PPP2R5E: variants seen among roughly 807,000 people sequenced by gnomAD.
PPP2R5E encodes serine/threonine-protein phosphatase 2A 56 kDa regulatory subunit epsilon isoform.
In PPP2R5E, 4 loss-of-function variants were observed where a neutral mutation model predicts 65.3. The observed-to-expected ratio is 0.06, with a 90% CI of 0.03 to 0.14. The LOEUF is 0.14. PPP2R5E is among the 10% of genes least tolerant of loss of function. The probability of loss-of-function intolerance (pLI) is 1.00; values close to 1 mark genes in which losing one functional copy is unlikely to be tolerated. For missense variants in PPP2R5E, 274 were observed against 556.1 expected, an observed-to-expected ratio of 0.49 and a Z score of 5.10; for synonymous variants, 183 against 187.4, an observed-to-expected ratio of 0.98 and a Z score of 0.19.
chr14:63,399,035 G>T (rs541365454), intron 5 of PPP2R5E, among the ~76,000 whole-genome samples: 1 of 152,122 alleles, frequency 6.6e-6, no homozygotes, highest in Non-Finnish European at 1.5e-5. Context: ...CAGCAGAACC[G>T]AAAACACATG....
At chr14:63,386,691 G>C (rs917976142) in intron 11 of PPP2R5E, among the ~76,000 whole-genome samples, 3 of 152,154 alleles carry the variant, frequency 2.0e-5, no homozygotes, top group Non-Finnish European at 4.4e-5. Flanking sequence ...GGGAGGCCAA[G>C]GTGGGTGGAT....
At chr14:63,457,326 T>G (rs73274633) in intron 2 of PPP2R5E, among the ~76,000 whole-genome samples, 5,912 of 152,190 alleles carry the variant, frequency 0.039, 368 homozygotes, top group African/African-American at 0.13. Context: ...TCTTTTTAAA[T>G]AAACATTTAT....
At chr14:63,400,127 A>G (rs1460409932) in intron 5 of PPP2R5E, among the ~76,000 whole-genome samples, 1 of 152,194 alleles carries the variant, frequency 6.6e-6, no homozygotes, top group Admixed American at 6.5e-5. Flanking sequence ...TCATCTGTTC[A>G]TTTTAAAAAT....
Position 63,539,651 on chromosome 14 carries a change from T to G in PPP2R5E, c.35A>C (p.Asp12Ala), listed in dbSNP as rs1893808597. The G allele has an allele frequency of 6.2e-7, 1 of 1,613,868 alleles. No individual in the cohort carries two copies. Among genetic ancestry groups the G allele is most frequent in the Admixed American group, 1.7e-5 (1 of 60,000 alleles). The change falls in exon 2 of 14, where the codon GAT becomes GCT. Residue 12 changes from aspartate (D) to alanine (A), a missense_variant. By Grantham distance (126) the Asp-to-Ala change is moderately radical. Coordinates refer to ENST00000337537, the MANE Select transcript of PPP2R5E (RefSeq NM_006246.5). ...SSAPTTPPSV[D>A]KVDGFSRKSV... ...CTTCCGAGAAAATCCGTCTACTTTA[T>G]CCACTGATGGAGGAGTAGTTGGTGC...
chr14:63,522,731 G>A (rs1892986949), intron 2 of PPP2R5E, among the ~76,000 whole-genome samples: 1 of 151,276 alleles, frequency 6.6e-6, no homozygotes, highest in Non-Finnish European at 1.5e-5. Context: ...TGAGAAGTGA[G>A]GAGCCCCTCC....
intron 7 of PPP2R5E, 56 bp downstream of exon 7, chr14:63,395,170 C>T: frequency 4.1e-6 from 6 of 1,470,928 alleles, no homozygotes; most frequent in Admixed American, 1.7e-5. Context: ...GCCACCTGAA[C>T]CTAATTTTTA....
Position 63,376,042 on chromosome 14 carries a change from T to C in PPP2R5E, c.1371A>G (p.Arg457=). Residue 457 remains arginine, a synonymous_variant, in exon 14 of 14, where the codon AGA becomes AGG. Coordinates refer to ENST00000337537, the MANE Select transcript of PPP2R5E (RefSeq NM_006246.5). The part of the protein sequence containing the change: ...WKKLEDLELK[R]GLRRDGIIPT ...GAATTATTCCATCACGTCTAAGACC[T>C]CTCTTTAACTCCAGATCCTCCAATT... The C allele has an allele frequency of 2.5e-6, 4 of 1,607,334 alleles. No homozygotes were observed. Among genetic ancestry groups the C allele is most frequent in the Non-Finnish European group, 2.6e-6 (3 of 1,173,996 alleles).
chr14:63,457,346 C>A (rs932347168), intron 2 of PPP2R5E, among the ~76,000 whole-genome samples: 1 of 152,012 alleles, frequency 6.6e-6, no homozygotes, highest in African/African-American at 2.4e-5. Context: ...TTAAAAGGAT[C>A]ACTTAAGAAG....
rs1216708159 is a variant in PPP2R5E at position 63,374,353 on chromosome 14, T to A, written c.*1656A>T. 6.6e-6 allele frequency: 1 copy of A among 151,870 alleles called. No individual in the cohort carries two copies. Among genetic ancestry groups the A allele is most frequent in the Non-Finnish European group, 1.5e-5 (1 of 67,954 alleles). The allele number at this position is 151,870 out of a possible 1,614,324, so 9.4% of individuals were successfully genotyped here. A position where few individuals can be genotyped will look rare whatever the true frequency, so the allele number is the denominator to read the frequency against. On this transcript the variant is annotated 3_prime_UTR_variant, in exon 14 of 14. Coordinates refer to ENST00000337537, the MANE Select transcript of PPP2R5E (RefSeq NM_006246.5). ...TATTTCTATTAAGAGCAACAATAGTTCATATGTTCATGTTTGCTACTATCA... is the reference window on the plus strand; with the variant it reads ...TATTTCTATTAAGAGCAACAATAGTACATATGTTCATGTTTGCTACTATCA...
intron 3 of PPP2R5E, among the ~76,000 whole-genome samples, chr14:63,432,914 A>C (rs1380679958): frequency 6.6e-6 from 1 of 152,074 alleles, no homozygotes; most frequent in Non-Finnish European, 1.5e-5. Flanking sequence ...AAAGTTCTAA[A>C]TTAGACCAAA....
intron 2 of PPP2R5E, among the ~76,000 whole-genome samples, chr14:63,535,151 G>A (rs146790264): frequency 8.5e-5 from 13 of 152,220 alleles, no homozygotes; most frequent in East Asian, 1.9e-4. Context: ...TAGGCTGGGC[G>A]CAGTGACTGA....
At chr14:63,493,740 TA>T (rs993606715) in intron 2 of PPP2R5E, among the ~76,000 whole-genome samples, 5 of 152,110 alleles carry the variant, frequency 3.3e-5, no homozygotes, top group African/African-American at 1.2e-4. Context: ...CTAGGAATAT[TA>T]AACAGGTGAG....
chr14:63,474,449 A>G (rs1293488684), intron 2 of PPP2R5E, among the ~76,000 whole-genome samples: 2 of 152,132 alleles, frequency 1.3e-5, no homozygotes, highest in African/African-American at 4.8e-5. Context: ...TTTATAAGAC[A>G]TATACATGGA....
At chr14:63,474,353 C>G (rs73274693) in intron 2 of PPP2R5E, among the ~76,000 whole-genome samples, 4 of 151,934 alleles carry the variant, frequency 2.6e-5, no homozygotes. Flanking sequence ...CCTGGGTGAA[C>G]AGAGGAGTCA....
chr14:63,461,944 ACTGC>A (rs144143105), intron 2 of PPP2R5E, among the ~76,000 whole-genome samples: 2,002 of 152,186 alleles, frequency 0.013, 43 homozygotes, highest in African/African-American at 0.045. Context: ...TTTTCCCAGT[ACTGC>A]CAACAACTTT....
chr14:63,536,033 G>C (rs1392608308), intron 2 of PPP2R5E, among the ~76,000 whole-genome samples: 1 of 152,134 alleles, frequency 6.6e-6, no homozygotes, highest in Non-Finnish European at 1.5e-5. Context: ...CTAATTTATA[G>C]AATACTTTCC....
intron 2 of PPP2R5E, among the ~76,000 whole-genome samples, chr14:63,519,231 A>G (rs537157315): frequency 6.6e-5 from 10 of 152,226 alleles, no homozygotes; most frequent in African/African-American, 2.4e-4. Context: ...AAAGAAAAAA[A>G]TACGTAAACA....
intron 2 of PPP2R5E, among the ~76,000 whole-genome samples, chr14:63,462,484 G>T (rs986393018): frequency 6.6e-6 from 1 of 152,096 alleles, no homozygotes; most frequent in South Asian, 2.1e-4. Flanking sequence ...CCATGAAACT[G>T]CACATACCTC....
At chr14:63,433,853 T>A (rs1887820147) in intron 3 of PPP2R5E, among the ~76,000 whole-genome samples, 1 of 152,204 alleles carries the variant, frequency 6.6e-6, no homozygotes, top group African/African-American at 2.4e-5. Flanking sequence ...TCCTCGGAGT[T>A]GTGCATGTGA....
Sources: gnomAD v4.1 joint callset for allele counts (sites outside exome capture counted in the v4.1 genomes callset) on GRCh38, gnomAD v4.1.1 for gene constraint, MANE v1.5 for transcripts, NCBI Gene and HGNC (gene_info 2026-07-23, HGNC 2026-07-21) for gene names.